The following PDE3B variants were observed in gnomAD, a reference collection of about 807,000 sequenced individuals.
The protein encoded by PDE3B is phosphodiesterase 3B, also known as cGMP-inhibited 3',5'-cyclic phosphodiesterase 3B.
Under a neutral mutation model 116.8 loss-of-function variants are expected in PDE3B, and 66 were observed. The observed-to-expected ratio is 0.56, with a 90% CI of 0.46 to 0.69. The LOEUF (loss-of-function observed/expected upper bound fraction) is 0.69, where lower values mean the gene tolerates loss of function less well. PDE3B is among the 30% of genes least tolerant of loss of function. PDE3B has a pLI of 0.00. For synonymous variants in PDE3B, 595 were observed against 533.6 expected, an observed-to-expected ratio of 1.12 and a Z score of -1.59; for missense variants, 1,384 against 1,368.1, an observed-to-expected ratio of 1.01 and a Z score of -0.18.
chr11:14,821,846 C>T (rs1008124851), intron 7 of PDE3B, among the ~76,000 whole-genome samples: 7 of 151,410 alleles, frequency 4.6e-5, no homozygotes, highest in East Asian at 1.9e-4. Context: ...TTATTAAGTA[C>T]GAAAATCAGG....
chr11:14,770,553 T>C (rs1342677004), intron 1 of PDE3B, among the ~76,000 whole-genome samples: 1 of 151,614 alleles, frequency 6.6e-6, no homozygotes, highest in Non-Finnish European at 1.5e-5. Flanking sequence ...ATCTAGATTA[T>C]ATGCTGATTA....
At position 14,689,781 on chromosome 11, in the gene PDE3B, A is replaced by G. The variant is rs147673928; in HGVS notation, c.978+44728A>G. 1.9e-3 allele frequency among the ~76,000 whole-genome samples: 283 copies of G among 152,286 alleles called. 1 individual carries two copies. Among genetic ancestry groups the G allele is most frequent in the African/African-American group, 6.3e-3 (260 of 41,568 alleles). ...ATTAAATTTAAGCTCCAGGTTTGTC[A>G]CTTACATAAAATCCTTTCAAGTCTG... On this transcript the variant is annotated intron_variant, in intron 1 of 15. Coordinates refer to ENST00000282096, the MANE Select transcript of PDE3B (RefSeq NM_000922.4).
At chr11:14,882,787 C>T in the PDE3B span, among the ~76,000 whole-genome samples, 5 of 152,200 alleles carry the variant, frequency 3.3e-5, no homozygotes, top group Non-Finnish European at 5.9e-5. Flanking sequence ...GAAAACCCCA[C>T]TGTCTCAGCC....
At chr11:14,795,411 A>T (rs774993253) in intron 4 of PDE3B, among the ~76,000 whole-genome samples, 5 of 152,214 alleles carry the variant, frequency 3.3e-5, no homozygotes, top group African/African-American at 7.2e-5. Flanking sequence ...TAGTCATTGG[A>T]ACTACTCGTC....
chr11:14,810,333 A>G (rs1323724241), intron 5 of PDE3B, among the ~76,000 whole-genome samples: 4 of 105,092 alleles, frequency 3.8e-5, no homozygotes, highest in Admixed American at 1.2e-4. Flanking sequence ...CCACCCCACA[A>G]CAGTCCCCAG....
intron 5 of PDE3B, among the ~76,000 whole-genome samples, chr11:14,807,476 A>G (rs1858976802): frequency 6.6e-6 from 1 of 152,172 alleles, no homozygotes; most frequent in African/African-American, 2.4e-5. Flanking sequence ...CAGGGGGCCA[A>G]TTAAAAGACC....
chr11:14,841,536 C>T (rs567868066), intron 11 of PDE3B, among the ~76,000 whole-genome samples: 39 of 149,316 alleles, frequency 2.6e-4, no homozygotes, highest in African/African-American at 8.6e-4. Flanking sequence ...GTTCTTATTC[C>T]GTGGGTTTAT....
chr11:14,654,154 A>G (rs1853642943), intron 1 of PDE3B, among the ~76,000 whole-genome samples: 1 of 152,204 alleles, frequency 6.6e-6, no homozygotes, highest in Non-Finnish European at 1.5e-5. Context: ...AAATGTCTGT[A>G]AAATAGCATT....
chr11:14,892,117 AG>A, the PDE3B span: 68 of 1,611,622 alleles, frequency 4.2e-5, no homozygotes, highest in Non-Finnish European at 5.3e-5. Context: ...CTGCTTCAGC[AG>A]CTGGCGGACC....
At chr11:14,864,353 G>T (rs1467200356) in intron 14 of PDE3B, among the ~76,000 whole-genome samples, 1 of 152,046 alleles carries the variant, frequency 6.6e-6, no homozygotes, top group African/African-American at 2.4e-5. Context: ...CAAAATAATA[G>T]TGGGAGATTT....
intron 11 of PDE3B, among the ~76,000 whole-genome samples, 153 bp downstream of exon 11, chr11:14,835,248 A>G (rs1411270306): frequency 1.3e-5 from 2 of 152,190 alleles, no homozygotes; most frequent in Admixed American, 1.3e-4. Context: ...CTTATCCCCA[A>G]GTTCTACTGT....
At chr11:14,727,273 T>A (rs1463920668) in intron 1 of PDE3B, among the ~76,000 whole-genome samples, 1 of 152,176 alleles carries the variant, frequency 6.6e-6, no homozygotes, top group Non-Finnish European at 1.5e-5. Context: ...TAACATGTAT[T>A]GATATTTACT....
chr11:14,781,621 T>TA (rs1325998067), intron 2 of PDE3B, among the ~76,000 whole-genome samples: 8 of 152,180 alleles, frequency 5.3e-5, no homozygotes, highest in African/African-American at 1.9e-4. Flanking sequence ...CCCTTCATGC[T>TA]AAAAACTCTC....
chr11:14,873,033 CCACA>C (rs1271493010), downstream of PDE3B, among the ~76,000 whole-genome samples: 1 of 152,142 alleles, frequency 6.6e-6, no homozygotes, highest in African/African-American at 2.4e-5. Context: ...ATACTAAATG[CCACA>C]CAATCAAACT....
At chr11:14,887,742 A>C in the PDE3B span, 1 of 582,924 alleles carries the variant, frequency 1.7e-6, no homozygotes, top group Non-Finnish European at 2.2e-6. Context: ...CAAGTGGTTG[A>C]GGCCCAGGAC....
chr11:14,735,653 C>T (rs1856575247), intron 1 of PDE3B, among the ~76,000 whole-genome samples: 1 of 152,076 alleles, frequency 6.6e-6, no homozygotes, highest in Non-Finnish European at 1.5e-5. Flanking sequence ...AAATCTAGTC[C>T]CTCAGTCACA....
intron 5 of PDE3B, among the ~76,000 whole-genome samples, chr11:14,810,340 C>A: frequency 7.5e-6 from 1 of 133,026 alleles, no homozygotes; most frequent in Non-Finnish European, 1.6e-5. Flanking sequence ...ACAACAGTCC[C>A]CAGAGTGTGA....
chr11:14,880,709 T>A, the PDE3B span: 31 of 1,597,796 alleles, frequency 1.9e-5, no homozygotes, highest in Middle Eastern at 8.4e-4. Flanking sequence ...TATCGAAAAC[T>A]GTTTACAGCT....
intron 1 of PDE3B, among the ~76,000 whole-genome samples, chr11:14,648,842 T>C (rs899641737): frequency 1.3e-5 from 2 of 152,156 alleles, no homozygotes; most frequent in African/African-American, 4.8e-5. Context: ...TGCTTCTTGT[T>C]ATTGACATTG....
Sources: allele counts gnomAD v4.1 joint callset (sites outside exome capture counted in the v4.1 genomes callset), GRCh38; gene constraint gnomAD v4.1.1; transcripts MANE v1.5; gene names NCBI Gene and HGNC (gene_info 2026-07-23, HGNC 2026-07-21).